ETF1: variants seen among roughly 807,000 people sequenced by gnomAD.
The protein encoded by ETF1 is eukaryotic translation termination factor 1, also known as eukaryotic peptide chain release factor subunit 1.
A neutral mutation model predicts 55.1 loss-of-function variants in ETF1; 4 were observed. The observed-to-expected ratio is 0.07, with a 90% confidence interval of 0.04 to 0.17. The LOEUF (loss-of-function observed/expected upper bound fraction) is 0.17. ETF1 is among the 10% of genes least tolerant of loss of function. ETF1 has a pLI of 1.00. For missense variants in ETF1, 142 were observed against 523.6 expected (o/e 0.27, Z 7.11); for synonymous variants, 157 against 182.3 (o/e 0.86, Z 1.12).
Position 138,506,387 on chromosome 5 carries a change from C to T in ETF1, c.*1918G>A, listed in dbSNP as rs1463311206. ...AAAATAAAAACTACAAAAGGAGCTG[C>T]ATACCCTAAATGTATCATGTGAAAC... On this transcript the variant is annotated 3_prime_UTR_variant, in exon 11 of 11. Transcript: ENST00000360541. The T allele has an allele frequency of 2.0e-5, 3 of 152,600 alleles. No homozygotes were observed. Among genetic ancestry groups the T allele is most frequent in the Non-Finnish European group, 4.4e-5 (3 of 68,044 alleles). The allele number at this position is 152,600 out of a possible 1,614,324, so 9.5% of individuals were successfully genotyped here.
intron 2 of ETF1, among the ~76,000 whole-genome samples, chr5:138,534,918 AGGG>A (rs374623511): frequency 1.9e-5 from 2 of 106,670 alleles, no homozygotes; most frequent in Non-Finnish European, 4.7e-5. Context: ...TAAGGTTATA[AGGG>A]GGGGGGTCAA....
intron 6 of ETF1, among the ~76,000 whole-genome samples, chr5:138,512,363 G>C (rs1368376670): frequency 6.7e-6 from 1 of 148,662 alleles, no homozygotes; most frequent in African/African-American, 2.5e-5. Flanking sequence ...GTTATAAAAT[G>C]TGCTTTAAAT....
intron 2 of ETF1, among the ~76,000 whole-genome samples, chr5:138,529,297 A>G (rs544030265): frequency 7.2e-4 from 110 of 152,326 alleles, no homozygotes; most frequent in African/African-American, 2.5e-3. Flanking sequence ...TAAACACCCA[A>G]AATAAAATTA....
intron 9 of ETF1, among the ~76,000 whole-genome samples, 190 bp downstream of exon 9, chr5:138,510,357 CAAAAAAAAAAAAAAAAAA>C (rs57906231): frequency 1.5e-5 from 1 of 64,782 alleles, no homozygotes; most frequent in Admixed American, 2.3e-4. Flanking sequence ...GACCTTGTCT[CAAAAAAAAAAAAAAAAAA>C]AAAAAAAAAA....
At position 138,507,406 on chromosome 5, in the gene ETF1, C is replaced by G. The variant is rs1368232241; in HGVS notation, c.*899G>C. On this transcript the variant is annotated 3_prime_UTR_variant, in exon 11 of 11. Transcript: ENST00000360541. ...CACCTCCCTTTTAACAAGGATTGAC[C>G]CAAGCAAAATAAAATCCTCTTTAAA... 1 of 152,580 alleles carries G rather than the reference C, an allele frequency of 6.6e-6. No homozygotes were observed. Among genetic ancestry groups the G allele is most frequent in the Non-Finnish European group, 1.5e-5 (1 of 68,030 alleles). 9.5% of individuals were successfully genotyped at this position (152,580 alleles called of 1,614,324 possible).
At chr5:138,508,912 T>A (rs1443740773) in intron 9 of ETF1, 96 bp from the exon 10 acceptor site, 1 of 1,510,940 alleles carries the variant, frequency 6.6e-7, no homozygotes, top group Non-Finnish European at 8.8e-7. Context: ...ATCACTCTCA[T>A]CCTCCCATTT....
At chr5:138,529,787 C>T (rs773895246) in intron 2 of ETF1, 27 of 877,952 alleles carry the variant, frequency 3.1e-5, no homozygotes, top group Non-Finnish European at 3.6e-5. Flanking sequence ...GGGTCTTGCT[C>T]TGTCACCCAG....
intron 2 of ETF1, among the ~76,000 whole-genome samples, chr5:138,537,874 C>A (rs1475548173): frequency 6.7e-6 from 1 of 150,154 alleles, no homozygotes; most frequent in Non-Finnish European, 1.5e-5. Flanking sequence ...GCCACCGCAC[C>A]AGGCCCCTAT....
intron 4 of ETF1, chr5:138,514,045 A>G (rs965502389): frequency 5.2e-5 from 20 of 381,616 alleles, no homozygotes; most frequent in Non-Finnish European, 6.8e-5. Flanking sequence ...AAAAAGGAAG[A>G]AAATTTTGAA....
At chr5:138,540,040 A>G (rs960327292) in intron 2 of ETF1, among the ~76,000 whole-genome samples, 46 of 152,172 alleles carry the variant, frequency 3.0e-4, no homozygotes, top group African/African-American at 1.1e-3. Context: ...CCCTTTATTC[A>G]GATGTAGTTA....
rs575686477 is a variant in ETF1 at position 138,529,382 on chromosome 5, G to C, written c.87-10515C>G. Reference sequence around the variant, plus strand: ...AAATGAAAAATAAAGCTCTCACTAAGGAGATGCTGGCTACACAGGCAAACT... The same window carrying C: ...AAATGAAAAATAAAGCTCTCACTAACGAGATGCTGGCTACACAGGCAAACT... On this transcript the variant is annotated intron_variant, in intron 2 of 10. Coordinates refer to ENST00000360541, the MANE Select transcript of ETF1 (RefSeq NM_004730.4). Among the ~76,000 whole-genome samples the C allele has an allele frequency of 2.6e-5, 4 of 152,268 alleles. No homozygotes were observed. The South Asian group carries it at 8.3e-4, about 32-fold the overall frequency.
At chr5:138,542,710 G>A (rs1253089844) in intron 2 of ETF1, 123 bp downstream of exon 2, 3 of 1,518,026 alleles carry the variant, frequency 2.0e-6, no homozygotes, top group African/African-American at 1.4e-5. Flanking sequence ...ACTACCCAGA[G>A]ATCCAGAAGG....
At position 138,513,684 on chromosome 5, in the gene ETF1, T is replaced by C. The variant is rs1277827224; in HGVS notation, c.425A>G (p.Asp142Gly). 1 of 1,604,444 alleles carries C rather than the reference T, an allele frequency of 6.2e-7. No homozygotes were observed. Among genetic ancestry groups the C allele is most frequent in the Non-Finnish European group, 8.5e-7 (1 of 1,172,008 alleles). ...TACAATGAATCCAAACTTGCTATCA[T>C]CTGAAAGTAGTGCTGTAAGAGCCTG... ...HTEALTALLSDDSKFGFIVID... is the reference protein window; with the variant it reads ...HTEALTALLSGDSKFGFIVID... Residue 142 changes from aspartate to glycine, a missense_variant, in exon 5 of 11, where the codon GAT becomes GGT. Physicochemically the swap from Asp to Gly is moderately conservative, Grantham distance 94 (BLOSUM62 -1). Around this residue, in one of 5 missense-constraint regions of ETF1, gnomAD observed 22 missense variants for 158.7 expected, o/e 0.14. Coordinates refer to ENST00000360541, the MANE Select transcript of ETF1 (RefSeq NM_004730.4).
At position 138,543,155 on chromosome 5, in the gene ETF1, G is replaced by C; in HGVS notation, c.-77C>G. 1 of 580,238 alleles carries C rather than the reference G, an allele frequency of 1.7e-6. No individual in the cohort carries two copies. Among genetic ancestry groups the C allele is most frequent in the Non-Finnish European group, 3.0e-6 (1 of 329,712 alleles). The allele number at this position is 580,238 out of a possible 1,614,324, so 35.9% of individuals were successfully genotyped here. ...CCTCCCCGGCGGCGGCTCCGCGGCG[G>C]CGGCGGCTCTGACGTAGGACACCGG... On this transcript the variant is annotated 5_prime_UTR_variant, in exon 1 of 11. Transcript: ENST00000360541.
intron 3 of ETF1, chr5:138,517,962 G>GATT: frequency 5.9e-6 from 5 of 846,538 alleles, no homozygotes; most frequent in Non-Finnish European, 7.1e-6. Context: ...AGCACTCTGG[G>GATT]AGGCCGAGGT....
intron 2 of ETF1, chr5:138,542,621 G>A (rs1766230200): frequency 7.7e-6 from 11 of 1,419,936 alleles, no homozygotes; most frequent in South Asian, 1.5e-5. Context: ...ACCGGGGAGC[G>A]CGGGCCCCTT....
At chr5:138,513,161 T>A (rs1043471160) in intron 5 of ETF1, 3 of 985,190 alleles carry the variant, frequency 3.0e-6, no homozygotes, top group Non-Finnish European at 3.6e-6. Flanking sequence ...TAAGTACCAA[T>A]GAGGCACCAG....
chr5:138,514,200 G>T (rs889738153), intron 4 of ETF1: 5 of 152,034 alleles, frequency 3.3e-5, no homozygotes, highest in African/African-American at 1.2e-4. Flanking sequence ...GGTTGCCAGG[G>T]GCTGGAAAAA....
rs749568407 is a variant in ETF1, at chr5:138,512,870, G to A, written c.626C>T (p.Ala209Val). The change falls in exon 6 of 11, where the codon GCT (alanine) becomes GTT (valine). Residue 209 changes from alanine (A) to valine (V), a missense_variant. This residue lies in a region of ETF1 where 22 missense variants were observed against 158.7 expected (regional missense o/e 0.14). Coordinates refer to ENST00000360541, the MANE Select transcript of ETF1 (RefSeq NM_004730.4). ...HNYVRKVAET[A>V]VQLFISGDKV... ...GTCCCCAGAAATAAACAGCTGCACA[G>A]CAGTCTCTGCTACTTTCCGAACATA... 6.3e-7 allele frequency: 1 copy of A among 1,590,866 alleles called. No individual in the cohort carries two copies. Among genetic ancestry groups the A allele is most frequent in the Non-Finnish European group, 8.5e-7 (1 of 1,171,778 alleles).
Sources: allele counts gnomAD v4.1 joint callset (sites outside exome capture counted in the v4.1 genomes callset), GRCh38; gene constraint gnomAD v4.1.1; regional missense constraint gnomAD v4.1.1; transcripts MANE v1.5; gene names NCBI Gene and HGNC (gene_info 2026-07-23, HGNC 2026-07-21).